The following VOPP1 variants were observed in gnomAD, a reference collection of about 807,000 sequenced individuals.
VOPP1 encodes the protein VOPP1 WW domain binding protein.
In VOPP1, 8 loss-of-function variants were observed where a neutral mutation model predicts 23.5. That is an observed-to-expected ratio of 0.34 (90% confidence interval 0.20 to 0.61). The LOEUF is 0.61. Among genes scored for constraint, VOPP1 ranks in the 20% least tolerant of loss-of-function variants. The probability of loss-of-function intolerance (pLI) is 0.78; values close to 1 mark genes in which losing one functional copy is unlikely to be tolerated. For synonymous variants in VOPP1, 83 were observed against 97.3 expected (o/e 0.85, Z 0.86); for missense variants, 174 against 238.1 (o/e 0.73, Z 1.77).
chr7:55,482,495 T>G lies in VOPP1; in HGVS notation c.329-9450A>C, dbSNP rs988471564. Among the ~76,000 whole-genome samples the G allele has an allele frequency of 2.9e-4, 44 of 150,312 alleles. 1 individual carries two copies. Among genetic ancestry groups the G allele is most frequent in the African/African-American group, 9.8e-4 (40 of 40,818 alleles). On this transcript the variant is annotated intron_variant, in intron 4 of 4. Coordinates refer to ENST00000285279, the MANE Select transcript of VOPP1 (RefSeq NM_030796.5). ...CACACCTGGCTAATTTTTTTTTTTT[T>G]TTTTTTTTTGTATTTTTAGTAGAGA...
intron 4 of VOPP1, among the ~76,000 whole-genome samples, chr7:55,490,952 T>G (rs1389693043): frequency 6.6e-6 from 1 of 152,220 alleles, no homozygotes; most frequent in African/African-American, 2.4e-5. Context: ...TGCAAATGAC[T>G]TTGCATCTTG....
intron 2 of VOPP1, among the ~76,000 whole-genome samples, chr7:55,518,955 G>C (rs1171524478): frequency 6.6e-6 from 1 of 152,184 alleles, no homozygotes; most frequent in Admixed American, 6.5e-5. Flanking sequence ...ATTCGGGTGA[G>C]GACACTGGGA....
intron 4 of VOPP1, among the ~76,000 whole-genome samples, chr7:55,479,671 A>C (rs1562904217): frequency 6.6e-6 from 1 of 152,208 alleles, no homozygotes; most frequent in Non-Finnish European, 1.5e-5. Context: ...AAGCAATCCA[A>C]TTTTCATGGG....
At chr7:55,493,570 G>GA in intron 3 of VOPP1, among the ~76,000 whole-genome samples, 1 of 152,352 alleles carries the variant, frequency 6.6e-6, no homozygotes, top group South Asian at 2.1e-4. Context: ...AATGACTCAG[G>GA]AAAGACTGAA....
chr7:55,559,936 T>C (rs4439077), intron 1 of VOPP1, among the ~76,000 whole-genome samples: 31,470 of 152,218 alleles, frequency 0.21, 3,569 homozygotes, highest in African/African-American at 0.29. Flanking sequence ...GGCGATCACC[T>C]GAGGTCAGGA....
intron 4 of VOPP1, among the ~76,000 whole-genome samples, chr7:55,460,408 T>C (rs75554602): frequency 1.3e-5 from 2 of 152,196 alleles, no homozygotes; most frequent in Non-Finnish European, 1.5e-5. Flanking sequence ...GCTTATTTAT[T>C]TTCTGTTCTT....
At chr7:55,564,237 G>GTCTCTCTCTC (rs1382166112) in intron 1 of VOPP1, among the ~76,000 whole-genome samples, 43 of 28,246 alleles carry the variant, frequency 1.5e-3, no homozygotes, top group Admixed American at 4.1e-3. Flanking sequence ...CTTTCTCTCT[G>GTCTCTCTCTC]TCTCTGTCTC....
intron 4 of VOPP1, among the ~76,000 whole-genome samples, chr7:55,444,583 T>C (rs1313330122): frequency 6.6e-6 from 1 of 152,154 alleles, no homozygotes; most frequent in Non-Finnish European, 1.5e-5. Flanking sequence ...CTCTGGAAAC[T>C]GGATACAGGA....
chr7:55,567,065 G>A (rs544333177), intron 1 of VOPP1, among the ~76,000 whole-genome samples: 1 of 152,318 alleles, frequency 6.6e-6, no homozygotes, highest in South Asian at 2.1e-4. Context: ...AAGGCACAGT[G>A]GGTTTCCATC....
chr7:55,440,149 G>T (rs1790928846), intron 4 of VOPP1, among the ~76,000 whole-genome samples: 1 of 152,188 alleles, frequency 6.6e-6, no homozygotes, highest in African/African-American at 2.4e-5. Flanking sequence ...TATCTGACCT[G>T]CTTTTTCCTG....
chr7:55,529,767 T>C (rs1796394847), intron 1 of VOPP1, among the ~76,000 whole-genome samples: 1 of 152,186 alleles, frequency 6.6e-6, no homozygotes, highest in South Asian at 2.1e-4. Flanking sequence ...CCCCAAGCAA[T>C]ACTGATCTGC....
Position 55,491,022 on chromosome 7 carries a change from A to G in VOPP1, c.328+1260T>C, listed in dbSNP as rs78079015. Among the ~76,000 whole-genome samples, 11 of 152,294 alleles carry G rather than the reference A, an allele frequency of 7.2e-5. No homozygotes were observed. In the East Asian group the frequency reaches 2.1e-3, roughly 29 times the overall value. ...AGATAATTTTCTCCTATTACATTCA[A>G]TCCCTCTACTTCTCTCCTATTTAAA... On this transcript the variant is annotated intron_variant, in intron 4 of 4. Coordinates refer to ENST00000285279, the MANE Select transcript of VOPP1 (RefSeq NM_030796.5).
intron 1 of VOPP1, among the ~76,000 whole-genome samples, chr7:55,564,819 G>A (rs1798112083): frequency 6.6e-6 from 1 of 152,132 alleles, no homozygotes; most frequent in South Asian, 2.1e-4. Flanking sequence ...AACACTGAGG[G>A]ATTTCTCTTT....
At chr7:55,556,157 T>C (rs1375237143) in intron 1 of VOPP1, among the ~76,000 whole-genome samples, 1 of 152,216 alleles carries the variant, frequency 6.6e-6, no homozygotes, top group Admixed American at 6.5e-5. Flanking sequence ...AGCCACCTGC[T>C]GAGCTTCCTC....
At chr7:55,544,801 A>G (rs776647678) in intron 1 of VOPP1, among the ~76,000 whole-genome samples, 1 of 152,286 alleles carries the variant, frequency 6.6e-6, no homozygotes, top group South Asian at 2.1e-4. Flanking sequence ...TTTGAACTCA[A>G]GGAAAATAAA....
chr7:55,489,528 A>T (rs1485658250), intron 4 of VOPP1, among the ~76,000 whole-genome samples: 1 of 152,088 alleles, frequency 6.6e-6, no homozygotes, highest in East Asian at 1.9e-4. Flanking sequence ...GTCACTATAG[A>T]GTTGTTTGCG....
chr7:55,455,946 G>C (rs1791354395), intron 4 of VOPP1, among the ~76,000 whole-genome samples: 1 of 152,158 alleles, frequency 6.6e-6, no homozygotes, highest in African/African-American at 2.4e-5. Context: ...AGCCAAAATA[G>C]ACAAATGGGA....
chr7:55,550,776 T>C (rs921822644), intron 1 of VOPP1, among the ~76,000 whole-genome samples: 1 of 152,226 alleles, frequency 6.6e-6, no homozygotes, highest in Non-Finnish European at 1.5e-5. Flanking sequence ...GACCAGTGTA[T>C]GAAAATTGCG....
intron 2 of VOPP1, among the ~76,000 whole-genome samples, chr7:55,502,920 A>G (rs1260323013): frequency 1.3e-5 from 2 of 152,228 alleles, no homozygotes; most frequent in Non-Finnish European, 2.9e-5. Flanking sequence ...CATAGAAAGG[A>G]AGAAACATTA....
Sources: gnomAD v4.1 joint callset for allele counts (sites outside exome capture counted in the v4.1 genomes callset) on GRCh38, gnomAD v4.1.1 for gene constraint, MANE v1.5 for transcripts, NCBI Gene and HGNC (gene_info 2026-07-23, HGNC 2026-07-21) for gene names.